Variants in PTGER3 observed in about 807,000 individuals in gnomAD.
The protein encoded by PTGER3 is prostaglandin E2 receptor EP3 subtype.
Under a neutral mutation model 34.7 loss-of-function variants are expected in PTGER3, and 22 were observed. That is an observed-to-expected ratio of 0.63 (90% CI 0.45 to 0.91). The LOEUF is 0.91. Ranked by LOEUF, PTGER3 falls within the 40% of genes least tolerant of loss-of-function variation. The pLI is 0.00. For synonymous variants in PTGER3, 241 were observed against 230.1 expected, an observed-to-expected ratio of 1.05 and a Z score of -0.43; for missense variants, 468 against 519.4, an observed-to-expected ratio of 0.90 and a Z score of 0.96.
chr1:70,928,227 G>GAT (rs1470589576), intron 4 of PTGER3, among the ~76,000 whole-genome samples: 1 of 149,342 alleles, frequency 6.7e-6, no homozygotes, highest in Non-Finnish European at 1.5e-5. Flanking sequence ...GTGTGTAAGA[G>GAT]ATATCAGTAG....
At position 71,047,061 on chromosome 1, in the gene PTGER3, C is replaced by T. The variant is rs755615526; in HGVS notation, c.517G>A (p.Ala173Thr). ...ACGCCGAGCAGCACAGCGCGGGTGG[C>T]ACGCGTCTTCATGTGGCTCGCATAC... Reference protein sequence around the residue: ...HWYASHMKTRATRAVLLGVWL... With the variant: ...HWYASHMKTRTTRAVLLGVWL... The change falls in exon 1 of 4, where the codon GCC (alanine) becomes ACC (threonine). Residue 173 changes from alanine to threonine, a missense_variant. Physicochemically the swap from Ala to Thr is moderately conservative, Grantham distance 58. Around this residue, in one of 5 missense-constraint regions of PTGER3, gnomAD observed 204 missense variants for 230.8 expected, o/e 0.88. Coordinates refer to ENST00000306666, the MANE Select transcript of PTGER3 (RefSeq NM_198719.2). The T allele has an allele frequency of 2.5e-6, 4 of 1,611,610 alleles. No homozygotes were observed. The highest frequency in any genetic ancestry group is 1.1e-5 in the South Asian group (1 of 90,948).
intron 4 of PTGER3, among the ~76,000 whole-genome samples, chr1:70,939,134 C>CT (rs1649520593): frequency 6.6e-6 from 1 of 152,156 alleles, no homozygotes; most frequent in African/African-American, 2.4e-5. Context: ...TTGGCCAAAA[C>CT]AAAGGAGTTT....
intron 1 of PTGER3, among the ~76,000 whole-genome samples, chr1:71,015,615 C>T (rs1487057328): frequency 1.3e-5 from 2 of 152,084 alleles, no homozygotes; most frequent in Non-Finnish European, 2.9e-5. Context: ...AATGACTGGT[C>T]CCAGTGTTGA....
intron 1 of PTGER3, among the ~76,000 whole-genome samples, chr1:71,046,285 CAAAAAA>C (rs34411077): frequency 1.2e-5 from 1 of 81,176 alleles, no homozygotes; most frequent in Non-Finnish European, 2.2e-5. Flanking sequence ...GACTCCGTCT[CAAAAAA>C]AAAAAAAAAA....
At chr1:70,917,286 T>G (rs965401405) in intron 4 of PTGER3, among the ~76,000 whole-genome samples, 3 of 151,790 alleles carry the variant, frequency 2.0e-5, no homozygotes, top group African/African-American at 7.2e-5. Context: ...AGAGATCATG[T>G]GCTGTTTGTC....
intron 4 of PTGER3, among the ~76,000 whole-genome samples, chr1:70,917,797 T>C (rs57429163): frequency 0.038 from 5,814 of 152,110 alleles, 346 homozygotes; most frequent in African/African-American, 0.13. Flanking sequence ...TCCTGATAAT[T>C]AGTAAAGTTG....
At chr1:70,959,436 C>T (rs554840546) in intron 2 of PTGER3, among the ~76,000 whole-genome samples, 1 of 151,672 alleles carries the variant, frequency 6.6e-6, no homozygotes, top group East Asian at 1.9e-4. Context: ...TCACTGCAAC[C>T]TCCACCTCCC....
intron 4 of PTGER3, chr1:70,865,961 T>G (rs751744645): frequency 2.2e-6 from 1 of 454,916 alleles, no homozygotes; most frequent in Non-Finnish European, 3.6e-6. Context: ...TCATTTCTTC[T>G]TCAAAGTTCA....
At chr1:70,887,448 C>T (rs2100250776) in intron 4 of PTGER3, among the ~76,000 whole-genome samples, 1 of 152,268 alleles carries the variant, frequency 6.6e-6, no homozygotes, top group East Asian at 1.9e-4. Context: ...GTAATTTGTC[C>T]TGTTGGTAAC....
chr1:70,890,117 C>A lies in PTGER3; in HGVS notation c.*24-37258G>T, dbSNP rs115444070. Among the ~76,000 whole-genome samples, 686 of 152,322 alleles carry A rather than the reference C, an allele frequency of 4.5e-3. 5 individuals carry two copies. The highest frequency in any genetic ancestry group is 0.016 in the African/African-American group (646 of 41,576). ...AGTCTTTTATACACAGACCACTAGA[C>A]AAGGTCCTGCAGAAACACAGAGTGA... is the stretch of plus-strand genomic sequence containing the variant. On this transcript the variant is annotated intron_variant, in intron 4 of 4. Transcript: ENST00000370931.
intron 2 of PTGER3, chr1:71,006,409 T>C (rs1656968636): frequency 6.1e-6 from 6 of 985,402 alleles, no homozygotes; most frequent in Non-Finnish European, 7.2e-6. Flanking sequence ...GATCCCAGTA[T>C]TCATAACCAC....
At chr1:71,024,820 G>A (rs1003454145) in intron 1 of PTGER3, among the ~76,000 whole-genome samples, 7 of 151,394 alleles carry the variant, frequency 4.6e-5, no homozygotes, top group African/African-American at 1.5e-4. Flanking sequence ...CTCCCAGTGT[G>A]CTGGGATTCC....
At chr1:70,924,432 G>A (rs922699944) in intron 4 of PTGER3, among the ~76,000 whole-genome samples, 2 of 152,024 alleles carry the variant, frequency 1.3e-5, no homozygotes, top group Non-Finnish European at 2.9e-5. Flanking sequence ...TGTAATTTAG[G>A]CTAACCCTGC....
intron 4 of PTGER3, among the ~76,000 whole-genome samples, chr1:70,939,978 T>C (rs1330899190): frequency 6.6e-6 from 1 of 152,208 alleles, no homozygotes; most frequent in Non-Finnish European, 1.5e-5. Context: ...TTCTATCACA[T>C]AGTCAGGCTG....
intron 4 of PTGER3, among the ~76,000 whole-genome samples, chr1:70,879,432 A>AGATG (rs1047824385): frequency 4.6e-5 from 7 of 152,040 alleles, no homozygotes; most frequent in African/African-American, 1.7e-4. Context: ...TTTTTAGTAG[A>AGATG]GATGGAGTTT....
chr1:70,902,276 C>T (rs1274315442), intron 4 of PTGER3, among the ~76,000 whole-genome samples: 1 of 152,196 alleles, frequency 6.6e-6, no homozygotes, highest in Non-Finnish European at 1.5e-5. Context: ...TCAGCTGCCT[C>T]CACAGGGTAG....
At position 71,047,634 on chromosome 1, in the gene PTGER3, G is replaced by A; in HGVS notation, c.-57C>T. The stretch of plus-strand genomic sequence containing the variant: ...CAGAGAGCCGCAGCGGGAGGGGGCA[G>A]ACGCGGCGCGGGCGGCGGCGGAGGT... On this transcript the variant is annotated 5_prime_UTR_variant, in exon 1 of 4. Coordinates refer to ENST00000306666, the MANE Select transcript of PTGER3 (RefSeq NM_198719.2). The A allele has an allele frequency of 2.1e-6, 3 of 1,455,668 alleles. No homozygotes were observed. Among genetic ancestry groups the A allele is most frequent in the Non-Finnish European group, 2.7e-6 (3 of 1,100,918 alleles). The allele number at this position is 1,455,668 out of a possible 1,614,324, so 90.2% of individuals were successfully genotyped here.
intron 4 of PTGER3, among the ~76,000 whole-genome samples, chr1:70,890,283 C>T (rs1217578578): frequency 6.6e-6 from 1 of 152,152 alleles, no homozygotes; most frequent in Non-Finnish European, 1.5e-5. Context: ...TTCTGACACC[C>T]CTGTACCATA....
intron 3 of PTGER3, among the ~76,000 whole-genome samples, chr1:70,953,245 C>G (rs930699086): frequency 2.0e-5 from 3 of 151,906 alleles, no homozygotes; most frequent in Admixed American, 6.6e-5. Context: ...AGGTTATATG[C>G]AAATACTACT....
Sources: gnomAD v4.1 joint callset for allele counts (sites outside exome capture counted in the v4.1 genomes callset) on GRCh38, gnomAD v4.1.1 for gene constraint, gnomAD v4.1.1 regional missense constraint, MANE v1.5 for transcripts, NCBI Gene and HGNC (gene_info 2026-07-23, HGNC 2026-07-21) for gene names.